The following NINL variants were observed in gnomAD, a reference collection of about 807,000 sequenced individuals.
The protein encoded by NINL is ninein like.
A neutral mutation model predicts 160.3 loss-of-function variants in NINL; 153 were observed. The ratio of observed to expected loss-of-function variants is 0.95; its 90% CI spans 0.84 to 1.09. The LOEUF is 1.09. Among genes scored for constraint, NINL ranks in the 50% least tolerant of loss-of-function variants. The probability of loss-of-function intolerance (pLI) is 0.00; values close to 1 mark genes in which losing one functional copy is unlikely to be tolerated. For synonymous variants in NINL, 800 were observed against 734.8 expected, an observed-to-expected ratio of 1.09 and a Z score of -1.43; for missense variants, 1,829 against 1,764.0, an observed-to-expected ratio of 1.04 and a Z score of -0.66.
At chr20:25,530,429 G>C (rs1421249276) in intron 1 of NINL, among the ~76,000 whole-genome samples, 1 of 152,120 alleles carries the variant, frequency 6.6e-6, no homozygotes, top group Non-Finnish European at 1.5e-5. Flanking sequence ...TTCTCAGAGA[G>C]AGACGTTGGG....
chr20:25,542,539 T>G (rs2064679620), intron 1 of NINL, among the ~76,000 whole-genome samples: 1 of 141,824 alleles, frequency 7.1e-6, no homozygotes, highest in Non-Finnish European at 1.6e-5. Context: ...AAAAAGAATA[T>G]TCTTAAAGAG....
At chr20:25,565,875 T>C (rs144603885) in intron 1 of NINL, among the ~76,000 whole-genome samples, 1 of 152,320 alleles carries the variant, frequency 6.6e-6, no homozygotes, top group Non-Finnish European at 1.5e-5. Flanking sequence ...TCTCCTGTCC[T>C]GGAACAACAA....
chr20:25,516,237 T>C (rs1260903304), intron 3 of NINL, among the ~76,000 whole-genome samples: 1 of 152,190 alleles, frequency 6.6e-6, no homozygotes, highest in Non-Finnish European at 1.5e-5. Context: ...GTGAGTCAAT[T>C]AAACCTCTTT....
intron 1 of NINL, among the ~76,000 whole-genome samples, chr20:25,563,719 G>C (rs2064969975): frequency 6.6e-6 from 1 of 152,122 alleles, no homozygotes; most frequent in Non-Finnish European, 1.5e-5. Context: ...TTTAATGTGA[G>C]ACAGCCATAT....
At chr20:25,559,202 G>T (rs567213975) in intron 1 of NINL, among the ~76,000 whole-genome samples, 2 of 152,300 alleles carry the variant, frequency 1.3e-5, no homozygotes, top group Non-Finnish European at 2.9e-5. Flanking sequence ...TCATTGGCTT[G>T]GGATAAGGCA....
At chr20:25,487,803 C>G (rs1301616551) in intron 13 of NINL, among the ~76,000 whole-genome samples, 1 of 152,200 alleles carries the variant, frequency 6.6e-6, no homozygotes, top group Non-Finnish European at 1.5e-5. Flanking sequence ...ATTTCTTCTG[C>G]GGGCCAGAGC....
chr20:25,562,773 AAAAAAAAAAAAC>A (rs1417890225), intron 1 of NINL, among the ~76,000 whole-genome samples: 1 of 149,544 alleles, frequency 6.7e-6, no homozygotes, highest in Admixed American at 6.7e-5. Context: ...ATGATCAATA[AAAAAAAAAAAAC>A]AAAAACAAAA....
At chr20:25,479,986 G>A (rs2063353061) in intron 15 of NINL, among the ~76,000 whole-genome samples, 175 bp downstream of exon 15, 1 of 152,182 alleles carries the variant, frequency 6.6e-6, no homozygotes, top group African/African-American at 2.4e-5. Context: ...AAGAGGGTTT[G>A]GGCAGCATGT....
intron 10 of NINL, among the ~76,000 whole-genome samples, chr20:25,495,348 C>T (rs1264728801): frequency 6.6e-6 from 1 of 152,210 alleles, no homozygotes; most frequent in Admixed American, 6.5e-5. Flanking sequence ...CGCCCGCATC[C>T]CTGGAGGGTG....
chr20:25,530,673 TA>T (rs1238305178), intron 1 of NINL, among the ~76,000 whole-genome samples: 1 of 152,058 alleles, frequency 6.6e-6, no homozygotes, highest in African/African-American at 2.4e-5. Context: ...CACATGTTGG[TA>T]GGTTCCGTGA....
At position 25,512,815 on chromosome 20, in the gene NINL, G is replaced by A; in HGVS notation, c.450+19C>T. The A allele has an allele frequency of 6.3e-7, 1 of 1,592,124 alleles. No individual in the cohort carries two copies. Among genetic ancestry groups the A allele is most frequent in the South Asian group, 1.1e-5 (1 of 89,042 alleles). On this transcript the variant is annotated intron_variant, in intron 4 of 23. Coordinates refer to ENST00000278886, the MANE Select transcript of NINL (RefSeq NM_025176.6). ...TTCCCAACACTGGGCAGCTGGGGTGGGAGAGGGGCCTGACCCACCTCCACG... is the reference window on the plus strand; with the variant it reads ...TTCCCAACACTGGGCAGCTGGGGTGAGAGAGGGGCCTGACCCACCTCCACG...
intron 1 of NINL, among the ~76,000 whole-genome samples, chr20:25,533,936 C>A (rs1474992123): frequency 1.3e-5 from 2 of 152,148 alleles, no homozygotes; most frequent in African/African-American, 4.8e-5. Flanking sequence ...AGATATGTCA[C>A]TAAAAGCACA....
At position 25,504,883 on chromosome 20, in the gene NINL, C is replaced by T. The variant is rs953362208; in HGVS notation, c.708+5G>A. On this transcript the variant is annotated splice_donor_5th_base_variant and intron_variant, in intron 6 of 23. Transcript: ENST00000278886. ...TGTGGCTGGGTGGCCTGCTGTGCCC[C>T]TCACCTCTTTCTCGAGTCCCTGGAG... is the stretch of plus-strand genomic sequence containing the variant. The T allele has an allele frequency of 6.2e-7, 1 of 1,610,146 alleles. No homozygotes were observed. Among genetic ancestry groups the T allele is most frequent in the South Asian group, 1.1e-5 (1 of 90,992 alleles).
At chr20:25,549,744 G>A (rs570793122) in intron 1 of NINL, among the ~76,000 whole-genome samples, 28 of 152,004 alleles carry the variant, frequency 1.8e-4, no homozygotes, top group African/African-American at 6.3e-4. Flanking sequence ...CTCCAGACAC[G>A]CCCATTCAGC....
intron 18 of NINL, among the ~76,000 whole-genome samples, chr20:25,468,615 ACT>A (rs2062987385): frequency 1.2e-5 from 1 of 86,036 alleles, no homozygotes; most frequent in African/African-American, 4.8e-5. Flanking sequence ...CTGTCCCCTG[ACT>A]CTCACTGGTG....
In NINL at chr20:25,506,302, A is replaced by G. The variant is rs2063961678; in HGVS notation, c.518-1224T>C. Among the ~76,000 whole-genome samples the G allele has an allele frequency of 3.3e-5, 5 of 152,352 alleles. 1 individual carries two copies. The highest frequency in any genetic ancestry group is 1.2e-4 in the African/African-American group (5 of 41,570). On this transcript the variant is annotated intron_variant, in intron 5 of 23. Coordinates refer to ENST00000278886, the MANE Select transcript of NINL (RefSeq NM_025176.6). ...GAGGGCTCTATTATTTGTATTTACA[A>G]TAAAAAGACCAGTCTTTCAATAGCT...
intron 17 of NINL, among the ~76,000 whole-genome samples, chr20:25,472,259 T>C (rs1331142983): frequency 7.0e-6 from 1 of 143,004 alleles, no homozygotes; most frequent in Non-Finnish European, 1.5e-5. Context: ...AAAAGAGAGG[T>C]TGAGACATAA....
intron 1 of NINL, among the ~76,000 whole-genome samples, chr20:25,584,863 C>T (rs950557101): frequency 6.6e-6 from 1 of 152,236 alleles, no homozygotes; most frequent in Non-Finnish European, 1.5e-5. Flanking sequence ...TGACTGCGCG[C>T]ACAGGCGGGA....
Position 25,476,088 on chromosome 20 carries a change from A to T in NINL, c.3203T>A (p.Val1068Asp). Residue 1068 changes from valine (V) to aspartate (D), a missense_variant, in exon 17 of 24, where the codon GTC (valine) becomes GAC (aspartate). Val to Asp is a radical substitution (Grantham distance 152, BLOSUM62 -3). Coordinates refer to ENST00000278886, the MANE Select transcript of NINL (RefSeq NM_025176.6). ...TACATGTTTCTCCAGAGCCCGGACG[A>T]CGTCTTCCAGATGTAGAAGTTTGGT... ...METKLLHLED[V>D]VRALEKHVDL... 1.2e-6 allele frequency: 2 copies of T among 1,613,894 alleles called. No individual in the cohort carries two copies. The highest frequency in any genetic ancestry group is 2.2e-5 in the East Asian group (1 of 44,878).
Sources: allele counts gnomAD v4.1 joint callset (sites outside exome capture counted in the v4.1 genomes callset), GRCh38; gene constraint gnomAD v4.1.1; transcripts MANE v1.5; gene names NCBI Gene and HGNC (gene_info 2026-07-23, HGNC 2026-07-21).